DENND2A: variants seen among roughly 807,000 people sequenced by gnomAD.
The protein encoded by DENND2A is DENN domain-containing protein 2A.
In DENND2A, 53 loss-of-function variants were observed where a neutral mutation model predicts 105.3. The ratio of observed to expected loss-of-function variants is 0.50; its 90% CI spans 0.40 to 0.63. DENND2A has a LOEUF of 0.63. DENND2A is among the 30% of genes least tolerant of loss of function. DENND2A has a pLI of 0.00. For synonymous variants in DENND2A, 522 were observed against 508.4 expected (o/e 1.03, Z -0.36); for missense variants, 1,138 against 1,279.6 (o/e 0.89, Z 1.69).
chr7:140,586,525 C>G (rs1486336416), intron 4 of DENND2A, among the ~76,000 whole-genome samples: 2 of 151,802 alleles, frequency 1.3e-5, no homozygotes, highest in African/African-American at 4.8e-5. Context: ...TGCCGTTGAA[C>G]TCCTGGGTAA....
intron 1 of DENND2A, among the ~76,000 whole-genome samples, chr7:140,607,386 C>T (rs185755374): frequency 6.6e-6 from 1 of 152,254 alleles, no homozygotes; most frequent in Admixed American, 6.5e-5. Flanking sequence ...GAACCATGAG[C>T]TGGGGGAGCA....
chr7:140,619,159 GT>G (rs1800190652), intron 1 of DENND2A, among the ~76,000 whole-genome samples: 1 of 152,128 alleles, frequency 6.6e-6, no homozygotes, highest in African/African-American at 2.4e-5. Flanking sequence ...TGTAAAAAGT[GT>G]TTGCATAAAT....
chr7:140,601,826 G>A lies in DENND2A; in HGVS notation c.572C>T (p.Pro191Leu). ...GGACCCTGCCTCTGCCTTGTCAGGAGGGCAGTGTGGGGAGTAACAAGTCCC... is the reference window on the plus strand; with the variant it reads ...GGACCCTGCCTCTGCCTTGTCAGGAAGGCAGTGTGGGGAGTAACAAGTCCC... ...LPGTCYSPHC[P>L]PDKAEAGSTL... Residue 191 changes from proline (P) to leucine (L), a missense_variant, in exon 3 of 20, where the codon CCT (proline) becomes CTT (leucine). Physicochemically the swap from Pro to Leu is moderately conservative, Grantham distance 98 (BLOSUM62 -3). This residue lies in a region of DENND2A where 511 missense variants were observed against 499.9 expected (regional missense o/e 1.02). Coordinates refer to ENST00000496613, the MANE Select transcript of DENND2A (RefSeq NM_015689.5). 6.2e-7 allele frequency: 1 copy of A among 1,614,170 alleles called. No individual in the cohort carries two copies. The highest frequency in any genetic ancestry group is 8.5e-7 in the Non-Finnish European group (1 of 1,180,010).
intron 14 of DENND2A, among the ~76,000 whole-genome samples, chr7:140,543,285 AT>A (rs36113743): frequency 0.029 from 3,723 of 128,292 alleles, 112 homozygotes; most frequent in African/African-American, 0.082. Flanking sequence ...TACCTGGCTA[AT>A]TTTTTTTTTT....
intron 1 of DENND2A, among the ~76,000 whole-genome samples, chr7:140,628,706 A>AT (rs1283721888): frequency 6.6e-6 from 1 of 151,374 alleles, no homozygotes; most frequent in Non-Finnish European, 1.5e-5. Context: ...CGCCCGGCCA[A>AT]TTTTTTTGTA....
In DENND2A at chr7:140,560,634, A is replaced by G. The variant is rs547072969; in HGVS notation, c.1780-817T>C. On this transcript the variant is annotated intron_variant, in intron 9 of 19. Transcript: ENST00000496613. ...TAGCAAGGTCCCACCTCTATGGGAA[A>G]AAAAAAAAGAACAAGGGCCGGGAGT... 7.6e-4 allele frequency among the ~76,000 whole-genome samples: 115 copies of G among 152,032 alleles called. 1 individual carries two copies. The highest frequency in any genetic ancestry group is 2.2e-3 in the Admixed American group (33 of 15,252).
intron 14 of DENND2A, among the ~76,000 whole-genome samples, chr7:140,542,878 C>T (rs1796730456): frequency 6.6e-6 from 1 of 151,972 alleles, no homozygotes. Flanking sequence ...CTTTACAGTC[C>T]TGAAGGTGAC....
intron 1 of DENND2A, among the ~76,000 whole-genome samples, chr7:140,621,203 A>C: frequency 6.7e-6 from 1 of 149,916 alleles, no homozygotes; most frequent in African/African-American, 2.4e-5. Context: ...TAATTAAAAA[A>C]TTTTTTTTTT....
intron 14 of DENND2A, among the ~76,000 whole-genome samples, chr7:140,539,073 C>A (rs1236656887): frequency 1.3e-5 from 2 of 152,232 alleles, no homozygotes; most frequent in Non-Finnish European, 2.9e-5. Context: ...ATCCACCGGC[C>A]TCAGCCTCCC....
intron 16 of DENND2A, 60 bp downstream of exon 16, chr7:140,525,691 C>T: frequency 6.8e-7 from 1 of 1,476,760 alleles, no homozygotes. Context: ...GAGAGCTGAG[C>T]CCCAAACAAC....
At chr7:140,564,622 A>T (rs1217216076) in intron 9 of DENND2A, among the ~76,000 whole-genome samples, 1 of 152,150 alleles carries the variant, frequency 6.6e-6, no homozygotes, top group Non-Finnish European at 1.5e-5. Context: ...TTCCTAATAC[A>T]TTTCTGGATC....
chr7:140,618,693 C>A (rs1196600265), intron 1 of DENND2A, among the ~76,000 whole-genome samples: 2 of 152,150 alleles, frequency 1.3e-5, no homozygotes, highest in Non-Finnish European at 2.9e-5. Flanking sequence ...CTGTTTTATA[C>A]TTCTACACCA....
At chr7:140,541,183 A>G (rs1378820459) in intron 14 of DENND2A, among the ~76,000 whole-genome samples, 1 of 151,960 alleles carries the variant, frequency 6.6e-6, no homozygotes, top group African/African-American at 2.4e-5. Context: ...TAATTTTTAG[A>G]GACAGAGTCT....
intron 1 of DENND2A, chr7:140,609,826 A>C (rs1469377273): frequency 6.6e-6 from 1 of 152,236 alleles, no homozygotes; most frequent in African/African-American, 2.4e-5. Context: ...TGGAGGGTTC[A>C]GAAGTTAAGA....
chr7:140,532,615 G>A lies in DENND2A; in HGVS notation c.2328-5120C>T, dbSNP rs141638319. On this transcript the variant is annotated intron_variant, in intron 14 of 19. Coordinates refer to ENST00000496613, the MANE Select transcript of DENND2A (RefSeq NM_015689.5). ...GGATTTTTAAGGTAGGAAGAGTGAGGCTAAATGAGGCTAAAGTAACTCTGA... is the reference window on the plus strand; with the variant it reads ...GGATTTTTAAGGTAGGAAGAGTGAGACTAAATGAGGCTAAAGTAACTCTGA... Among the ~76,000 whole-genome samples the A allele has an allele frequency of 1.9e-3, 291 of 152,292 alleles. 1 individual carries two copies. The highest frequency in any genetic ancestry group is 6.8e-3 in the African/African-American group (281 of 41,570).
At chr7:140,570,511 C>A (rs56370096) in intron 6 of DENND2A, among the ~76,000 whole-genome samples, 44,052 of 152,112 alleles carry the variant, frequency 0.29, 6,522 homozygotes, top group Middle Eastern at 0.38. Context: ...GGGGTGAGAA[C>A]CGGGATTAGA....
rs536214744 is a variant in DENND2A at position 140,625,019 on chromosome 7, A to G, written c.-248+15485T>C. Among the ~76,000 whole-genome samples, 4 of 147,620 alleles carry G rather than the reference A, an allele frequency of 2.7e-5. No homozygotes were observed. In the East Asian group the frequency reaches 9.0e-4, roughly 33 times the overall value. ...ATGACAGGCGTGCACCACCACGCCC[A>G]GCCTGGAGATTTTTTAAAAAACAAC... is the stretch of plus-strand genomic sequence containing the variant. On this transcript the variant is annotated intron_variant, in intron 1 of 19. Coordinates refer to ENST00000496613, the MANE Select transcript of DENND2A (RefSeq NM_015689.5).
At chr7:140,568,208 G>T (rs1018657039) in intron 8 of DENND2A, among the ~76,000 whole-genome samples, 3 of 152,172 alleles carry the variant, frequency 2.0e-5, no homozygotes, top group African/African-American at 7.2e-5. Flanking sequence ...CTAAAGTGCT[G>T]GGATTACAGG....
intron 1 of DENND2A, among the ~76,000 whole-genome samples, chr7:140,627,022 C>G (rs879329912): frequency 6.6e-6 from 1 of 152,126 alleles, no homozygotes; most frequent in Non-Finnish European, 1.5e-5. Context: ...ATAATGGTAG[C>G]ACTTACTTTA....
Sources: allele counts gnomAD v4.1 joint callset (sites outside exome capture counted in the v4.1 genomes callset), GRCh38; gene constraint gnomAD v4.1.1; regional missense constraint gnomAD v4.1.1; transcripts MANE v1.5; gene names NCBI Gene and HGNC (gene_info 2026-07-23, HGNC 2026-07-21).